Variants in MTCL1 observed in about 807,000 individuals in gnomAD.
The protein encoded by MTCL1 is microtubule cross-linking factor 1.
MTCL1 carries 79 observed loss-of-function variants against 141.4 expected under a neutral mutation model. That is an observed-to-expected ratio of 0.56 (90% CI 0.47 to 0.67). The LOEUF is 0.67. Among genes scored for constraint, MTCL1 ranks in the 30% least tolerant of loss-of-function variants. The probability of loss-of-function intolerance (pLI) is 0.00; values close to 1 mark genes in which losing one functional copy is unlikely to be tolerated. For missense variants in MTCL1, 2,177 were observed against 2,113.9 expected (o/e 1.03, Z -0.59); for synonymous variants, 914 against 875.8 (o/e 1.04, Z -0.77).
chr18:8,825,493 G>T, exon 15 of MTCL1: 9 of 1,611,336 alleles, frequency 5.6e-6, no homozygotes, highest in Non-Finnish European at 6.8e-6. Flanking sequence ...ATCAGTGTGG[G>T]CTTGCAGACT....
At chr18:8,785,843 C>A in intron 6 of MTCL1, 93 bp from the exon 6 acceptor site, 1 of 1,473,928 alleles carries the variant, frequency 6.8e-7, no homozygotes, top group Non-Finnish European at 9.1e-7. Context: ...TTTATCCCCC[C>A]TCCCTGCCTC....
At chr18:8,714,781 A>T (rs2096116553), upstream of MTCL1, among the ~76,000 whole-genome samples, 1 of 151,196 alleles carries the variant, frequency 6.6e-6, no homozygotes, top group African/African-American at 2.4e-5. Flanking sequence ...ATATCATATG[A>T]TCTCTCCCTA....
chr18:8,729,841 CT>C (rs1398303723), intron 4 of MTCL1, among the ~76,000 whole-genome samples: 1 of 151,714 alleles, frequency 6.6e-6, no homozygotes, highest in African/African-American at 2.4e-5. Context: ...AGAATGATTC[CT>C]TTTGTGGTAT....
In MTCL1 at chr18:8,825,598, G is replaced by A. The variant is rs773687869; in HGVS notation, c.4088G>A (p.Arg1363Gln). 1.5e-5 allele frequency: 24 copies of A among 1,613,584 alleles called. No individual in the cohort carries two copies. Among genetic ancestry groups the A allele is most frequent in the African/African-American group, 8.0e-5 (6 of 74,924 alleles). Residue 1363 changes from arginine (R) to glutamine (Q), a missense_variant, in exon 15 of 17, where the codon CGG becomes CAG. Transcript: ENST00000359865. ...GCTACACCCGTGTCGTCTCCTTCCC[G>A]GAGCCTTAGGAGCAGACAGGTGGCC...
chr18:8,783,878 G>C, exon 6 of MTCL1: 1 of 1,613,152 alleles, frequency 6.2e-7, no homozygotes, highest in Non-Finnish European at 8.5e-7. Flanking sequence ...TCGGGACCAC[G>C]CACCCAGCAT....
At chr18:8,785,508 C>T (rs1047245981) in intron 6 of MTCL1, among the ~76,000 whole-genome samples, 65 of 152,224 alleles carry the variant, frequency 4.3e-4, no homozygotes, top group Non-Finnish European at 3.4e-4. Context: ...GGGTGCATGG[C>T]CCAGCTGCCG....
intron 4 of MTCL1, among the ~76,000 whole-genome samples, chr18:8,771,920 G>T (rs1298257495): frequency 6.6e-6 from 1 of 152,226 alleles, no homozygotes; most frequent in Non-Finnish European, 1.5e-5. Context: ...TCCCTTCATT[G>T]TTCCTTGGAA....
chr18:8,727,829 T>C (rs2096225699), intron 4 of MTCL1, among the ~76,000 whole-genome samples: 1 of 151,788 alleles, frequency 6.6e-6, no homozygotes, highest in African/African-American at 2.4e-5. Context: ...CATTTTATGT[T>C]CTTTATTTTC....
chr18:8,784,143 A>G (rs1446044333), exon 6 of MTCL1: 1 of 1,613,752 alleles, frequency 6.2e-7, no homozygotes, highest in South Asian at 1.1e-5. Context: ...GCCAGGCTGC[A>G]GATCAGCGAG....
chr18:8,788,823 G>A (rs534045912), intron 7 of MTCL1, among the ~76,000 whole-genome samples: 3 of 152,236 alleles, frequency 2.0e-5, no homozygotes, highest in African/African-American at 7.2e-5. Flanking sequence ...ATGCAACCAC[G>A]CAAAAATGAA....
intron 4 of MTCL1, among the ~76,000 whole-genome samples, chr18:8,740,488 T>C (rs1010146899): frequency 6.6e-6 from 1 of 152,160 alleles, no homozygotes; most frequent in African/African-American, 2.4e-5. Context: ...GCTTATTAAT[T>C]AACTAATTTT....
intron 4 of MTCL1, among the ~76,000 whole-genome samples, chr18:8,725,789 T>TA (rs2096205108): frequency 2.6e-5 from 1 of 38,780 alleles, no homozygotes; most frequent in Non-Finnish European, 4.2e-5. Context: ...TTTTTTTTTT[T>TA]CTTTTTTTTT....
At chr18:8,798,615 G>A (rs185963437) in intron 10 of MTCL1, among the ~76,000 whole-genome samples, 142 of 152,232 alleles carry the variant, frequency 9.3e-4, no homozygotes, top group Non-Finnish European at 9.0e-4. Context: ...AACATCATTC[G>A]TTTGGCAGCA....
chr18:8,716,568 C>CTTTTTTT (rs1567928941), upstream of MTCL1, among the ~76,000 whole-genome samples: 1 of 108,888 alleles, frequency 9.2e-6, no homozygotes, highest in African/African-American at 3.4e-5. Context: ...TCTTTTTGTT[C>CTTTTTTT]ATTTTTTTTT....
chr18:8,826,840 A>C (rs2077042685), intron 15 of MTCL1, among the ~76,000 whole-genome samples: 1 of 152,218 alleles, frequency 6.6e-6, no homozygotes, highest in African/African-American at 2.4e-5. Flanking sequence ...ACCCTAATAC[A>C]ATATGATTAT....
At chr18:8,720,386 G>A in exon 4 of MTCL1, 1 of 1,614,174 alleles carries the variant, frequency 6.2e-7, no homozygotes, top group Non-Finnish European at 8.5e-7. Flanking sequence ...TAAGACGGTG[G>A]AGGAAAAGCG....
chr18:8,706,785 C>T (rs1598335474), intron 1 of MTCL1, 72 bp downstream of exon 1: 2 of 1,524,474 alleles, frequency 1.3e-6, no homozygotes, highest in East Asian at 2.5e-5. Context: ...GACCCGCCAA[C>T]CCCTCCTTCC....
exon 4 of MTCL1, chr18:8,720,458 A>C (rs150009615): frequency 6.9e-5 from 111 of 1,614,008 alleles, no homozygotes; most frequent in Non-Finnish European, 7.6e-6. Flanking sequence ...GGAAATATCC[A>C]AACAGGCCCT....
exon 1 of MTCL1, chr18:8,706,476 G>T (rs2096058716): frequency 1.6e-6 from 2 of 1,264,952 alleles, no homozygotes; most frequent in Non-Finnish European, 9.9e-7. Flanking sequence ...TCCTCGCCGC[G>T]CCCCTCGCCG....
Sources: gnomAD v4.1 joint callset for allele counts (sites outside exome capture counted in the v4.1 genomes callset) on GRCh38, gnomAD v4.1.1 for gene constraint, MANE v1.5 for transcripts, NCBI Gene and HGNC (gene_info 2026-07-23, HGNC 2026-07-21) for gene names.